Variants in HTR2A observed in about 807,000 individuals in gnomAD.
HTR2A encodes 5-hydroxytryptamine receptor 2A.
A neutral mutation model predicts 31.0 loss-of-function variants in HTR2A; 14 were observed. That is an observed-to-expected ratio of 0.45 (90% CI 0.30 to 0.71). HTR2A has a LOEUF of 0.71. Ranked by LOEUF, HTR2A falls within the 30% of genes least tolerant of loss-of-function variation. The pLI, the probability that HTR2A is intolerant of heterozygous loss-of-function variation, is 0.09. For missense variants in HTR2A, 442 were observed against 573.3 expected (o/e 0.77, Z 2.34); for synonymous variants, 209 against 225.2 (o/e 0.93, Z 0.64).
upstream of HTR2A, among the ~76,000 whole-genome samples, chr13:46,897,895 C>T (rs761779322): frequency 2.0e-5 from 3 of 152,186 alleles, no homozygotes; most frequent in African/African-American, 4.8e-5. Flanking sequence ...AGACCTTGAC[C>T]TCAGCATCTT....
Position 46,896,190 on chromosome 13 carries a change from T to C in HTR2A, c.-284A>G. ...AAAAAAGCAGAATGAACTTTTAGCA[T>C]AGAGGTTGCAGGGTTTTTTTTGAGC... On this transcript the variant is annotated 5_prime_UTR_variant, in exon 2 of 4. It removes an upstream start codon present in the reference 5' UTR. Coordinates refer to ENST00000542664, the MANE Select transcript of HTR2A (RefSeq NM_000621.5). 2 of 1,183,220 alleles carry C rather than the reference T, an allele frequency of 1.7e-6. No individual in the cohort carries two copies. The highest frequency in any genetic ancestry group is 2.1e-6 in the Non-Finnish European group (2 of 957,836). 73.3% of individuals were successfully genotyped at this position (1,183,220 alleles called of 1,614,324 possible).
intron 3 of HTR2A, among the ~76,000 whole-genome samples, chr13:46,875,515 G>A (rs566865606): frequency 6.6e-6 from 1 of 152,214 alleles, no homozygotes; most frequent in South Asian, 2.1e-4. Flanking sequence ...AAAGACAGTA[G>A]ATAATTGACT....
At chr13:46,862,368 G>A (rs1950786218) in intron 3 of HTR2A, among the ~76,000 whole-genome samples, 1 of 152,210 alleles carries the variant, frequency 6.6e-6, no homozygotes, top group Non-Finnish European at 1.5e-5. Context: ...CAATCCAGGA[G>A]TGCAAAGGTA....
At position 46,870,360 on chromosome 13, in the gene HTR2A, C is replaced by A. The variant is rs375568274; in HGVS notation, c.613+22030G>T. ...AGAATAGTTAACAGATTGTGGTATA[C>A]CAATATGAGAGAATAACTTGCAGGT... On this transcript the variant is annotated intron_variant, in intron 3 of 3. Coordinates refer to ENST00000542664, the MANE Select transcript of HTR2A (RefSeq NM_000621.5). Among the ~76,000 whole-genome samples, 6 of 152,096 alleles carry A rather than the reference C, an allele frequency of 3.9e-5. No homozygotes were observed. The East Asian group carries it at 9.6e-4, about 24-fold the overall frequency.
intron 3 of HTR2A, among the ~76,000 whole-genome samples, chr13:46,856,750 C>G (rs1950741318): frequency 6.6e-6 from 1 of 152,170 alleles, no homozygotes; most frequent in African/African-American, 2.4e-5. Flanking sequence ...AATTACACAA[C>G]AAATCCATTC....
intron 3 of HTR2A, among the ~76,000 whole-genome samples, chr13:46,838,480 C>T (rs1030190252): frequency 5.6e-4 from 86 of 152,274 alleles, no homozygotes; most frequent in African/African-American, 2.0e-3. Context: ...CTCTGCAGAA[C>T]TATTTATATT....
At chr13:46,886,479 A>G (rs9567747) in intron 3 of HTR2A, among the ~76,000 whole-genome samples, 29,393 of 152,124 alleles carry the variant, frequency 0.19, 3,375 homozygotes, top group East Asian at 0.34. Flanking sequence ...ATTTTGTTAA[A>G]TAAATCTATC....
At chr13:46,880,636 C>G (rs768086150) in intron 3 of HTR2A, among the ~76,000 whole-genome samples, 31 of 151,936 alleles carry the variant, frequency 2.0e-4, no homozygotes, top group African/African-American at 7.3e-4. Context: ...GTCAGGAGAT[C>G]GAGACTAGCC....
intron 3 of HTR2A, among the ~76,000 whole-genome samples, chr13:46,862,537 G>T (rs1310066775): frequency 6.6e-6 from 1 of 152,204 alleles, no homozygotes; most frequent in Non-Finnish European, 1.5e-5. Flanking sequence ...TGACTTTGGG[G>T]AACATAGAGC....
At position 46,834,809 on chromosome 13, in the gene HTR2A, T is replaced by C. The variant is rs200080463; in HGVS notation, c.*28A>G. 158 of 1,564,202 alleles carry C rather than the reference T, an allele frequency of 1.0e-4. 1 individual carries two copies. The African/African-American group carries it at 2.0e-3, about 20-fold the overall frequency. On this transcript the variant is annotated 3_prime_UTR_variant, in exon 4 of 4. Transcript: ENST00000542664. ...TAGGTGAAAACTTGCTCAGTGTGCC[T>C]TCCACAGTTGCCACGGCAACTAGCC...
At position 46,838,977 on chromosome 13, in the gene HTR2A, T is replaced by TACACAC. The variant is rs67738033; in HGVS notation, c.614-3344_614-3339dup. Among the ~76,000 whole-genome samples the TACACAC allele has an allele frequency of 7.9e-3, 1,113 of 140,882 alleles. 9 individuals carry two copies. The highest frequency in any genetic ancestry group is 0.027 in the African/African-American group (1,009 of 37,524). 92.4% of individuals were successfully genotyped at this position (140,882 alleles called of 152,430 possible). On this transcript the variant is annotated intron_variant, in intron 3 of 3. Coordinates refer to ENST00000542664, the MANE Select transcript of HTR2A (RefSeq NM_000621.5). Reference sequence around the variant, plus strand: ...TAGTGTCTTTGGTTGGACACACACATACACACACACACACACACACACACA... The same window carrying TACACAC: ...TAGTGTCTTTGGTTGGACACACACATACACACACACACACACACACACACACACACA...
chr13:46,871,679 A>G (rs759115749), intron 3 of HTR2A, among the ~76,000 whole-genome samples: 9 of 151,644 alleles, frequency 5.9e-5, no homozygotes, highest in Non-Finnish European at 1.0e-4. Flanking sequence ...ATAACGCTGC[A>G]TGCATTGGTC....
At chr13:46,848,887 C>T (rs1950662320) in intron 3 of HTR2A, among the ~76,000 whole-genome samples, 1 of 152,158 alleles carries the variant, frequency 6.6e-6, no homozygotes, top group Non-Finnish European at 1.5e-5. Flanking sequence ...ATGGAAATTA[C>T]TGCTATCTGA....
rs376042222 is a variant in HTR2A, at chr13:46,861,547, G to C, written c.614-25908C>G. Among the ~76,000 whole-genome samples, 7 of 152,258 alleles carry C rather than the reference G, an allele frequency of 4.6e-5. No individual in the cohort carries two copies. In the South Asian group the frequency reaches 1.2e-3, roughly 27 times the overall value. On this transcript the variant is annotated intron_variant, in intron 3 of 3. Coordinates refer to ENST00000542664, the MANE Select transcript of HTR2A (RefSeq NM_000621.5). ...TTAGATTGTCTCCCTCACCTTCCTG[G>C]TTTTCCCATCAAAGATTTGTCTGTT...
intron 3 of HTR2A, among the ~76,000 whole-genome samples, chr13:46,855,518 G>C (rs1950728687): frequency 6.6e-6 from 1 of 152,034 alleles, no homozygotes; most frequent in South Asian, 2.1e-4. Flanking sequence ...TCTCAACTGG[G>C]GGGGTACACA....
rs182534833 is a variant in HTR2A at position 46,860,336 on chromosome 13, A to G, written c.614-24697T>C. ...TAGAGTAACATAGGAAAAGATCCCT[A>G]TTGCTAATGATGAACAAGTTAAATT... is the stretch of plus-strand genomic sequence containing the variant. On this transcript the variant is annotated intron_variant, in intron 3 of 3. Transcript: ENST00000542664. 5.3e-5 allele frequency among the ~76,000 whole-genome samples: 8 copies of G among 152,330 alleles called. No individual in the cohort carries two copies. In the East Asian group the frequency reaches 1.5e-3, roughly 29 times the overall value.
chr13:46,864,370 T>G (rs1950804107), intron 3 of HTR2A, among the ~76,000 whole-genome samples: 1 of 152,162 alleles, frequency 6.6e-6, no homozygotes, highest in African/African-American at 2.4e-5. Flanking sequence ...TTTACCTACA[T>G]GACAAACCTG....
At chr13:46,847,285 C>T (rs1440853575) in intron 3 of HTR2A, among the ~76,000 whole-genome samples, 2 of 152,150 alleles carry the variant, frequency 1.3e-5, no homozygotes, top group Non-Finnish European at 2.9e-5. Context: ...CCACTTTTTT[C>T]CCCTATGATC....
intron 3 of HTR2A, among the ~76,000 whole-genome samples, chr13:46,860,441 G>C (rs1566308742): frequency 2.0e-5 from 3 of 152,196 alleles, no homozygotes; most frequent in Non-Finnish European, 2.9e-5. Context: ...TCAGGGTTAG[G>C]AGTTAGGGAG....
Sources: allele counts gnomAD v4.1 joint callset (sites outside exome capture counted in the v4.1 genomes callset), GRCh38; gene constraint gnomAD v4.1.1; transcripts MANE v1.5; gene names NCBI Gene and HGNC (gene_info 2026-07-23, HGNC 2026-07-21).